Variants in KCNAB2 observed in about 807,000 individuals in gnomAD.
KCNAB2 encodes potassium voltage-gated channel subfamily A regulatory beta subunit 2, also known as voltage-gated potassium channel subunit beta-2.
A neutral mutation model predicts 63.6 loss-of-function variants in KCNAB2; 29 were observed. That is an observed-to-expected ratio of 0.46 (90% CI 0.34 to 0.62). The LOEUF (loss-of-function observed/expected upper bound fraction) is 0.62, where lower values mean the gene tolerates loss of function less well. Ranked by LOEUF, KCNAB2 falls within the 20% of genes least tolerant of loss-of-function variation. The probability of loss-of-function intolerance (pLI) is 0.01; values close to 1 mark genes in which losing one functional copy is unlikely to be tolerated. For synonymous variants in KCNAB2, 222 were observed against 224.2 expected, an observed-to-expected ratio of 0.99 and a Z score of 0.09; for missense variants, 359 against 563.9, an observed-to-expected ratio of 0.64 and a Z score of 3.68.
Position 6,086,739 on chromosome 1 carries a change from C to T in KCNAB2, c.426-728C>T, listed in dbSNP as rs528404567. On this transcript the variant is annotated intron_variant, in intron 6 of 15. Transcript: ENST00000378083. This position sits in a 1 kb window ranked among gnomAD's most constrained non-coding sequence, Gnocchi z 4.2. ...CAGAAGAACGAATTACTTCCCTTTG[C>T]GCTGCTCAAGCCCAAATCCTCAGAA... 1.1e-4 allele frequency among the ~76,000 whole-genome samples: 16 copies of T among 152,258 alleles called. No homozygotes were observed. The highest frequency in any genetic ancestry group is 3.1e-4 in the African/African-American group (13 of 41,554).
chr1:6,041,991 G>A, upstream of KCNAB2: 1 of 869,612 alleles, frequency 1.1e-6, no homozygotes, highest in East Asian at 2.4e-5. Context: ...AAGCCCCCGA[G>A]ACCCCCAGGC....
At chr1:6,040,658 C>T (rs1320708768) in intron 2 of KCNAB2, 5 of 1,576,660 alleles carry the variant, frequency 3.2e-6, no homozygotes, top group Non-Finnish European at 4.4e-6. Context: ...GACCCCCTGC[C>T]CCCTCACCCA....
At chr1:6,040,214 A>G (rs571193677) in intron 1 of KCNAB2, among the ~76,000 whole-genome samples, 2 of 152,198 alleles carry the variant, frequency 1.3e-5, no homozygotes, top group East Asian at 3.9e-4. Context: ...GTTTCAGAAC[A>G]ACAGTTGGGG....
At chr1:6,077,560 T>A (rs571190877) in intron 4 of KCNAB2, among the ~76,000 whole-genome samples, 1 of 152,322 alleles carries the variant, frequency 6.6e-6, no homozygotes, top group Admixed American at 6.5e-5. Context: ...TCTGCACGCC[T>A]TCGGGGGTCT....
intron 11 of KCNAB2, 145 bp from the exon 12 acceptor site, chr1:6,095,178 A>C: frequency 2.5e-6 from 2 of 808,676 alleles, no homozygotes; most frequent in Non-Finnish European, 3.9e-6. Flanking sequence ...CAGGGAAGCT[A>C]TGAGTGTGAG....
At chr1:6,064,816 G>T (rs1399574364) in intron 2 of KCNAB2, among the ~76,000 whole-genome samples, 1 of 152,236 alleles carries the variant, frequency 6.6e-6, no homozygotes. Context: ...CACCTGCAGG[G>T]TGTGAGGGGG....
chr1:6,078,380 G>A lies in KCNAB2; in HGVS notation c.301-3815G>A, dbSNP rs754423942. On this transcript the variant is annotated intron_variant, in intron 4 of 15. Transcript: ENST00000378083. The surrounding 1 kb of genome is among the most constrained non-coding windows in gnomAD (Gnocchi z 4.2). ...GGTCACATTCCCAGGTTCCAGGGACGTGATACCTTTGGAGAACCATTATTT... is the reference window on the plus strand; with the variant it reads ...GGTCACATTCCCAGGTTCCAGGGACATGATACCTTTGGAGAACCATTATTT... Among the ~76,000 whole-genome samples, 32 of 152,006 alleles carry A rather than the reference G, an allele frequency of 2.1e-4. No individual in the cohort carries two copies. Among genetic ancestry groups the A allele is most frequent in the Admixed American group, 1.0e-3 (16 of 15,268 alleles).
At chr1:6,005,916 C>CCACA (rs1657651695) in intron 1 of KCNAB2, among the ~76,000 whole-genome samples, 1 of 136,774 alleles carries the variant, frequency 7.3e-6, no homozygotes, top group African/African-American at 2.9e-5. Context: ...AGCTCAGCTC[C>CCACA]CACATCCCCC....
chr1:6,008,050 G>A (rs911926275), intron 1 of KCNAB2, among the ~76,000 whole-genome samples: 19 of 152,160 alleles, frequency 1.2e-4, no homozygotes, highest in Non-Finnish European at 2.5e-4. Context: ...ATGAGTGAGG[G>A]CCAGGAGCAC....
intron 1 of KCNAB2, among the ~76,000 whole-genome samples, chr1:6,023,532 T>C (rs1316258228): frequency 6.6e-6 from 1 of 152,238 alleles, no homozygotes; most frequent in African/African-American, 2.4e-5. Flanking sequence ...TTGATTTGCA[T>C]TTCCCTAATG....
intron 2 of KCNAB2, among the ~76,000 whole-genome samples, chr1:6,052,357 C>T (rs147390493): frequency 5.3e-5 from 8 of 151,914 alleles, no homozygotes; most frequent in Non-Finnish European, 1.2e-4. Flanking sequence ...CCCAAAGAAT[C>T]TGATGCTGCA....
chr1:6,051,277 CA>C (rs1218297247), intron 1 of KCNAB2, among the ~76,000 whole-genome samples: 2 of 152,232 alleles, frequency 1.3e-5, no homozygotes, highest in Non-Finnish European at 2.9e-5. Flanking sequence ...ATGCAGGGGA[CA>C]GAAAAGGGCA....
chr1:6,062,921 G>A lies in KCNAB2; in HGVS notation c.219-9834G>A, dbSNP rs1244541261. Among the ~76,000 whole-genome samples the A allele has an allele frequency of 2.0e-5, 3 of 152,008 alleles. 1 individual carries two copies. The South Asian group carries it at 6.2e-4, about 32-fold the overall frequency. ...TGTGCAAACATTGCCACAATTTTAG[G>A]ATATGTTCATCAACCCCAGAAAGAA... On this transcript the variant is annotated intron_variant, in intron 2 of 15. Coordinates refer to ENST00000378083, the MANE Select transcript of KCNAB2 (RefSeq NM_001199862.2).
intron 6 of KCNAB2, among the ~76,000 whole-genome samples, 197 bp downstream of exon 6, chr1:6,085,445 C>T (rs1450534075): frequency 2.0e-5 from 3 of 152,042 alleles, no homozygotes; most frequent in Non-Finnish European, 4.4e-5. Context: ...GAAGGGAGGC[C>T]GAATACACTG....
At chr1:6,038,944 T>A (rs1408172781) in intron 1 of KCNAB2, among the ~76,000 whole-genome samples, 4 of 152,226 alleles carry the variant, frequency 2.6e-5, no homozygotes, top group Admixed American at 6.5e-5. Flanking sequence ...AGGGGTCATT[T>A]GTCCTTCCAG....
At chr1:6,006,570 TCCCACA>T (rs1330184147) in intron 1 of KCNAB2, among the ~76,000 whole-genome samples, 1 of 3,196 alleles carries the variant, frequency 3.1e-4, no homozygotes. Flanking sequence ...TCAGCTCAGC[TCCCACA>T]TCCCCCCACT....
In KCNAB2 at chr1:6,074,121, G is replaced by C. The variant is rs529519306; in HGVS notation, c.300+351G>C. Among the ~76,000 whole-genome samples, 1 of 152,310 alleles carries C rather than the reference G, an allele frequency of 6.6e-6. No individual in the cohort carries two copies. The highest frequency in any genetic ancestry group is 1.9e-4 in the East Asian group (1 of 5,176). On this transcript the variant is annotated intron_variant, in intron 4 of 15. Transcript: ENST00000378083. The surrounding 1 kb of genome is among the most constrained non-coding windows in gnomAD (Gnocchi z 4.9). ...CACACGCTTCCCAAATTCTGAAGCC[G>C]GATGCAGGTCCTAGCTGCCCCCATG...
At position 6,096,031 on chromosome 1, in the gene KCNAB2, C is replaced by T. The variant is rs1665604807; in HGVS notation, c.948+407C>T. ...GGTGACCCTGGGAGAGGCGCCCCTCCCCACCACACAACCTCTGAGTGGGGA... is the reference window on the plus strand; with the variant it reads ...GGTGACCCTGGGAGAGGCGCCCCTCTCCACCACACAACCTCTGAGTGGGGA... On this transcript the variant is annotated intron_variant, in intron 13 of 15. Transcript: ENST00000378083. This position sits in a 1 kb window ranked among gnomAD's most constrained non-coding sequence, Gnocchi z 5.9. The T allele has an allele frequency of 2.2e-6, 1 of 459,138 alleles. No individual in the cohort carries two copies. Among genetic ancestry groups the T allele is most frequent in the Admixed American group, 2.4e-5 (1 of 42,456 alleles). 28.4% of individuals were successfully genotyped at this position (459,138 alleles called of 1,614,324 possible).
At chr1:6,070,688 A>T (rs1663112272) in intron 2 of KCNAB2, among the ~76,000 whole-genome samples, 1 of 152,116 alleles carries the variant, frequency 6.6e-6, no homozygotes, top group South Asian at 2.1e-4. Context: ...TTCTATCCTC[A>T]TGGATCTTCT....
Sources: allele counts gnomAD v4.1 joint callset (sites outside exome capture counted in the v4.1 genomes callset), GRCh38; gene constraint gnomAD v4.1.1; non-coding constraint Gnocchi (gnomAD v3.1); transcripts MANE v1.5; gene names NCBI Gene and HGNC (gene_info 2026-07-23, HGNC 2026-07-21).